The following CCDC8 variants were observed in gnomAD, a reference collection of about 807,000 sequenced individuals.
CCDC8 encodes coiled-coil domain containing 8 subunit of 3M complex, also known as coiled-coil domain-containing protein 8.
A neutral mutation model predicts 5.2 loss-of-function variants in CCDC8; 6 were observed. That is an observed-to-expected ratio of 1.16 (90% CI 0.63 to 2.28). The LOEUF (loss-of-function observed/expected upper bound fraction) is 2.28, where lower values mean the gene tolerates loss of function less well. CCDC8 is among the 30% of genes most tolerant of loss of function. CCDC8 has a pLI of 0.00. For synonymous variants in CCDC8, 310 were observed against 286.5 expected (o/e 1.08, Z -0.83); for missense variants, 724 against 712.2 (o/e 1.02, Z -0.19).
In CCDC8 at chr19:46,411,061, T is replaced by G; in HGVS notation, c.*133A>C. ...AAAAATCAAAGCATGAACAAAACTT[T>G]AACAAGAGAATAAAGAGGGTTGTTA... On this transcript the variant is annotated 3_prime_UTR_variant, in exon 1 of 1. Coordinates refer to ENST00000307522, the MANE Select transcript of CCDC8 (RefSeq NM_032040.5). 8.8e-7 allele frequency: 1 copy of G among 1,137,314 alleles called. No homozygotes were observed. Among genetic ancestry groups the G allele is most frequent in the Non-Finnish European group, 1.3e-6 (1 of 798,060 alleles). The allele number at this position is 1,137,314 out of a possible 1,614,324, so 70.5% of individuals were successfully genotyped here.
chr19:46,411,771 G>A lies in CCDC8; in HGVS notation c.1040C>T (p.Ala347Val). Residue 347 changes from alanine to valine, a missense_variant, in exon 1 of 1, where the codon GCC (alanine) becomes GTC (valine). By Grantham distance (64) the Ala-to-Val change is moderately conservative. Transcript: ENST00000307522. Reference sequence around the variant, plus strand: ...AGCCTCTGCCCCCTCCTCAGCTGGGGCCCCTGCCCTCTGATTATCTGCAGC... The same window carrying A: ...AGCCTCTGCCCCCTCCTCAGCTGGGACCCCTGCCCTCTGATTATCTGCAGC... ...EEAADNQRAG[A>V]PAEEGAEAAD... The A allele has an allele frequency of 6.2e-7, 1 of 1,612,802 alleles. No individual in the cohort carries two copies.
rs757231726 is a variant in CCDC8, at chr19:46,412,265, G to A, written c.546C>T (p.Asp182=). 6.2e-7 allele frequency: 1 copy of A among 1,604,144 alleles called. No homozygotes were observed. The highest frequency in any genetic ancestry group is 1.1e-5 in the South Asian group (1 of 91,086). ...CTTTGGACAGCTGAGGCCCCAGGTT[G>A]TCCTCAAACATGGGCACTGGCAGGT... ...RVNLPVPMFE[D]NLGPQLSKAD... is the part of the protein sequence containing the mutation. The change falls in exon 1 of 1, where the codon GAC becomes GAT. Residue 182 remains aspartate, a synonymous_variant. Transcript: ENST00000307522. This position sits in a 1 kb window ranked among gnomAD's most constrained non-coding sequence, Gnocchi z 4.7.
In CCDC8 at chr19:46,412,934, A is replaced by C; in HGVS notation, c.-124T>G. The C allele has an allele frequency of 7.5e-7, 1 of 1,332,014 alleles. No homozygotes were observed. Among genetic ancestry groups the C allele is most frequent in the Non-Finnish European group, 1.1e-6 (1 of 949,880 alleles). The allele number at this position is 1,332,014 out of a possible 1,614,324, so 82.5% of individuals were successfully genotyped here. A position where few individuals can be genotyped will look rare whatever the true frequency, so the allele number is the denominator to read the frequency against. ...CTTTGCAGACATCGGGGACGCTCCA[A>C]AGAATGAGGCAGTCGGGGGACGGCA... On this transcript the variant is annotated 5_prime_UTR_variant, in exon 1 of 1. Coordinates refer to ENST00000307522, the MANE Select transcript of CCDC8 (RefSeq NM_032040.5). This position sits in a 1 kb window ranked among gnomAD's most constrained non-coding sequence, Gnocchi z 4.7.
Position 46,412,020 on chromosome 19 carries a change from C to T in CCDC8, c.791G>A (p.Arg264Gln). The change falls in exon 1 of 1, where the codon CGA becomes CAA. Residue 264 changes from arginine (R) to glutamine (Q), a missense_variant. Transcript: ENST00000307522. This position sits in a 1 kb window ranked among gnomAD's most constrained non-coding sequence, Gnocchi z 4.7. ...GGCCCAGTTGATCTTGGGCCTCCAT[C>T]GCCTAGGGGAAGCCTGGGGCACACA... ...DVCVPQASPR[R>Q]WRPKINWASF... 3 of 1,603,984 alleles carry T rather than the reference C, an allele frequency of 1.9e-6. No individual in the cohort carries two copies. Among genetic ancestry groups the T allele is most frequent in the South Asian group, 2.2e-5 (2 of 91,078 alleles).
At position 46,412,432 on chromosome 19, in the gene CCDC8, C is replaced by G. The variant is rs1568589872; in HGVS notation, c.379G>C (p.Val127Leu). 1.1e-5 allele frequency: 18 copies of G among 1,612,514 alleles called. No homozygotes were observed. The highest frequency in any genetic ancestry group is 1.5e-5 in the Non-Finnish European group (18 of 1,179,968). Residue 127 changes from valine (V) to leucine (L), a missense_variant, in exon 1 of 1, where the codon GTG becomes CTG. Val to Leu is a conservative substitution (Grantham distance 32, BLOSUM62 1). Coordinates refer to ENST00000307522, the MANE Select transcript of CCDC8 (RefSeq NM_032040.5). This position sits in a 1 kb window ranked among gnomAD's most constrained non-coding sequence, Gnocchi z 4.7. ...AGGTAGCTGACGGGCATTTTGCGCA[C>G]CTTCTTGCCCCGCCGCGGGCCCTGG... ...SRQGPRRGKK[V>L]RKMPVSYLGS... is the part of the protein sequence containing the mutation.
rs140262751 is a variant in CCDC8, at chr19:46,413,103, G to C, written c.-293C>G. ...TTGAGGGAGGGACTGGATGGGGGGA[G>C]TTCCAGCAACGCTGACCGGAGAGTC... is the stretch of plus-strand genomic sequence containing the variant. On this transcript the variant is annotated 5_prime_UTR_variant, in exon 1 of 1. Coordinates refer to ENST00000307522, the MANE Select transcript of CCDC8 (RefSeq NM_032040.5). 245 of 500,492 alleles carry C rather than the reference G, an allele frequency of 4.9e-4. No individual in the cohort carries two copies. The highest frequency in any genetic ancestry group is 4.2e-3 in the African/African-American group (218 of 51,640). The allele number at this position is 500,492 out of a possible 1,614,324, so 31.0% of individuals were successfully genotyped here.
At position 46,411,662 on chromosome 19, in the gene CCDC8, G is replaced by C. The variant is rs1259007630; in HGVS notation, c.1149C>G (p.His383Gln). 66 of 1,562,434 alleles carry C rather than the reference G, an allele frequency of 4.2e-5. No homozygotes were observed. In the East Asian group the frequency reaches 1.6e-3, roughly 37 times the overall value. Residue 383 changes from histidine (H) to glutamine (Q), a missense_variant, in exon 1 of 1, where the codon CAC (histidine) becomes CAG (glutamine). Transcript: ENST00000307522. Reference sequence around the variant, plus strand: ...TCTGATTATCTGCAGCCTCTTCCCTGTGGTTATCTGTGCCCTGTGACCTCT... The same window carrying C: ...TCTGATTATCTGCAGCCTCTTCCCTCTGGTTATCTGTGCCCTGTGACCTCT... ...ADQRSQGTDN[H>Q]REEAADNQRA... is the part of the protein sequence containing the mutation.
In CCDC8 at chr19:46,411,231, G is replaced by A. The variant is rs376613571; in HGVS notation, c.1580C>T (p.Ala527Val). The A allele has an allele frequency of 2.5e-5, 40 of 1,614,006 alleles. No homozygotes were observed. In the East Asian group the frequency reaches 3.3e-4, roughly 13 times the overall value. Residue 527 changes from alanine to valine, a missense_variant, in exon 1 of 1, where the codon GCA becomes GTA. Transcript: ENST00000307522. ...TTCTTGCTCTCCCTGCTCAGCTTCT[G>A]CTCTGGCCTCGGCCCTCAGCACCCT... is the stretch of plus-strand genomic sequence containing the variant. ...NLRVLRAEAR[A>V]EAEQGEQEDQ...
In CCDC8 at chr19:46,411,067, G is replaced by T; in HGVS notation, c.*127C>A. ...CAAAGCATGAACAAAACTTTAACAA[G>T]AGAATAAAGAGGGTTGTTAGGTGGA... On this transcript the variant is annotated 3_prime_UTR_variant, in exon 1 of 1. Transcript: ENST00000307522. The T allele has an allele frequency of 8.7e-7, 1 of 1,148,890 alleles. No individual in the cohort carries two copies. Among genetic ancestry groups the T allele is most frequent in the South Asian group, 1.4e-5 (1 of 70,940 alleles). 71.2% of individuals were successfully genotyped at this position (1,148,890 alleles called of 1,614,324 possible).
Position 46,412,352 on chromosome 19 carries a change from G to A in CCDC8, c.459C>T (p.Val153=), listed in dbSNP as rs762831885. 2.5e-6 allele frequency: 4 copies of A among 1,613,394 alleles called. No individual in the cohort carries two copies. The South Asian group carries it at 3.3e-5, about 13-fold the overall frequency. The change falls in exon 1 of 1, where the codon GTC becomes GTT. Residue 153 remains valine, a synonymous_variant. Transcript: ENST00000307522. The surrounding 1 kb of genome is among the most constrained non-coding windows in gnomAD (Gnocchi z 4.7). ...TCTCCTGTCGCCGGAGGAAGGCCTC[G>A]ACCAGTTCCTCATCATCCTCACTCT... ...DLESEDDEEL[V]EAFLRRQEKQ... is the part of the protein sequence containing the mutation.
At position 46,411,337 on chromosome 19, in the gene CCDC8, G is replaced by A. The variant is rs532222986; in HGVS notation, c.1474C>T (p.Arg492Cys). The change falls in exon 1 of 1, where the codon CGC becomes TGC. Residue 492 changes from arginine (R) to cysteine (C), a missense_variant. Transcript: ENST00000307522. ...TPGRFSWFCK[R>C]RRAFWHTPRL... ...GGAGTGTGCCAGAAGGCTCTCCGGCGCTTGCAAAACCACGAAAAGCGTCCA... is the reference window on the plus strand; with the variant it reads ...GGAGTGTGCCAGAAGGCTCTCCGGCACTTGCAAAACCACGAAAAGCGTCCA... 6.2e-5 allele frequency: 100 copies of A among 1,614,178 alleles called. No homozygotes were observed. The highest frequency in any genetic ancestry group is 3.2e-4 in the South Asian group (29 of 91,080).
rs953755677 is a variant in CCDC8 at position 46,412,172 on chromosome 19, C to T, written c.639G>A (p.Trp213Ter). 6.3e-7 allele frequency: 1 copy of T among 1,598,210 alleles called. No homozygotes were observed. The highest frequency in any genetic ancestry group is 8.5e-7 in the Non-Finnish European group (1 of 1,179,476). Residue 213 changes from tryptophan to a stop codon, truncating the protein, a stop_gained, in exon 1 of 1, where the codon TGG becomes TGA. Coordinates refer to ENST00000307522, the MANE Select transcript of CCDC8 (RefSeq NM_032040.5). LOFTEE classifies it low-confidence loss of function (END_TRUNC). The surrounding 1 kb of genome is among the most constrained non-coding windows in gnomAD (Gnocchi z 4.7). ...CCACCCCGGGGCCCGCCCTCGGCGCCCAACCCTTCACCCTCCGCTTCAGCT... is the reference window on the plus strand; with the variant it reads ...CCACCCCGGGGCCCGCCCTCGGCGCTCAACCCTTCACCCTCCGCTTCAGCT... Reference protein sequence around the residue: ...WGKLKRRVKGWAPRAGPGVGE... With the variant: ...WGKLKRRVKG
rs1354264850 is a variant in CCDC8, at chr19:46,412,170, G to A, written c.641C>T (p.Ala214Val). 3.8e-6 allele frequency: 6 copies of A among 1,598,042 alleles called. No individual in the cohort carries two copies. The African/African-American group carries it at 5.3e-5, about 14-fold the overall frequency. Residue 214 changes from alanine (A) to valine (V), a missense_variant, in exon 1 of 1, where the codon GCG becomes GTG. Transcript: ENST00000307522. The surrounding 1 kb of genome is among the most constrained non-coding windows in gnomAD (Gnocchi z 4.7). ...GKLKRRVKGWAPRAGPGVGEA... is the reference protein window; with the variant it reads ...GKLKRRVKGWVPRAGPGVGEA... The stretch of plus-strand genomic sequence containing the variant: ...GCCCACCCCGGGGCCCGCCCTCGGC[G>A]CCCAACCCTTCACCCTCCGCTTCAG...
chr19:46,411,905 A>G lies in CCDC8; in HGVS notation c.906T>C (p.Ser302=). 23 of 1,613,046 alleles carry G rather than the reference A, an allele frequency of 1.4e-5. No individual in the cohort carries two copies. The highest frequency in any genetic ancestry group is 1.9e-5 in the Non-Finnish European group (23 of 1,179,552). The part of the protein sequence containing the change: ...EADQGGEAAD[S]QREEAIADQR... Reference sequence around the variant, plus strand: ...GGTCAGCTATGGCCTCTTCCCTTTGACTATCTGCAGCCTCTCCCCCCTGAT... The same window carrying G: ...GGTCAGCTATGGCCTCTTCCCTTTGGCTATCTGCAGCCTCTCCCCCCTGAT... Residue 302 remains serine (S), a synonymous_variant, in exon 1 of 1, where the codon AGT becomes AGC. Transcript: ENST00000307522.
Position 46,411,022 on chromosome 19 carries a change from T to TA in CCDC8, c.*171dup, listed in dbSNP as rs755451181. 7.6e-5 allele frequency: 60 copies of TA among 784,332 alleles called. No individual in the cohort carries two copies. The highest frequency in any genetic ancestry group is 1.1e-4 in the Non-Finnish European group (54 of 503,692). The allele number at this position is 784,332 out of a possible 1,614,324, so 48.6% of individuals were successfully genotyped here. A position where few individuals can be genotyped will look rare whatever the true frequency, so the allele number is the denominator to read the frequency against. Reference sequence around the variant, plus strand: ...GGGCAACAGAGTGAGACCCTGTCTCTAAAAAATTTAAAAAAAAATCAAAGC... The same window carrying TA: ...GGGCAACAGAGTGAGACCCTGTCTCTAAAAAAATTTAAAAAAAAATCAAAGC... On this transcript the variant is annotated 3_prime_UTR_variant, in exon 1 of 1. Transcript: ENST00000307522.
Position 46,412,300 on chromosome 19 carries a change from G to A in CCDC8, c.511C>T (p.Arg171Cys). The A allele has an allele frequency of 6.2e-7, 1 of 1,608,902 alleles. No homozygotes were observed. Among genetic ancestry groups the A allele is most frequent in the Non-Finnish European group, 8.5e-7 (1 of 1,179,900 alleles). Reference sequence around the variant, plus strand: ...ATGGGCACTGGCAGGTTGACGCGGCGGCGGGCAGGCGGCGCGCTGGGCTGC... The same window carrying A: ...ATGGGCACTGGCAGGTTGACGCGGCAGCGGGCAGGCGGCGCGCTGGGCTGC... ...EKQPSAPPAR[R>C]RVNLPVPMFE... Residue 171 changes from arginine to cysteine, a missense_variant, in exon 1 of 1, where the codon CGC becomes TGC. Transcript: ENST00000307522. The surrounding 1 kb of genome is among the most constrained non-coding windows in gnomAD (Gnocchi z 4.7).
Position 46,411,135 on chromosome 19 carries a change from G to A in CCDC8, c.*59C>T, listed in dbSNP as rs975204325. The A allele has an allele frequency of 4.4e-6, 7 of 1,602,810 alleles. No individual in the cohort carries two copies. In the African/African-American group the frequency reaches 8.0e-5, roughly 18 times the overall value. On this transcript the variant is annotated 3_prime_UTR_variant, in exon 1 of 1. Coordinates refer to ENST00000307522, the MANE Select transcript of CCDC8 (RefSeq NM_032040.5). ...ACCTCCACTTTGAAGTTCAGAGGCAGAGCATCTCTCCCTCCCACACTTGGA... is the reference window on the plus strand; with the variant it reads ...ACCTCCACTTTGAAGTTCAGAGGCAAAGCATCTCTCCCTCCCACACTTGGA...
In CCDC8 at chr19:46,412,278, G is replaced by C; in HGVS notation, c.533C>G (p.Pro178Arg). ...PARRRVNLPVPMFEDNLGPQL... is the reference protein window; with the variant it reads ...PARRRVNLPVRMFEDNLGPQL... ...AGGCCCCAGGTTGTCCTCAAACATG[G>C]GCACTGGCAGGTTGACGCGGCGGCG... Residue 178 changes from proline to arginine, a missense_variant, in exon 1 of 1, where the codon CCC (proline) becomes CGC (arginine). Coordinates refer to ENST00000307522, the MANE Select transcript of CCDC8 (RefSeq NM_032040.5). This position sits in a 1 kb window ranked among gnomAD's most constrained non-coding sequence, Gnocchi z 4.7. The C allele has an allele frequency of 6.2e-7, 1 of 1,606,228 alleles. No homozygotes were observed. Among genetic ancestry groups the C allele is most frequent in the Non-Finnish European group, 8.5e-7 (1 of 1,179,908 alleles).
chr19:46,411,217 C>G lies in CCDC8; in HGVS notation c.1594G>C (p.Gly532Arg), dbSNP rs1973222820. 1.2e-6 allele frequency: 2 copies of G among 1,614,034 alleles called. No individual in the cohort carries two copies. The highest frequency in any genetic ancestry group is 1.3e-5 in the African/African-American group (1 of 74,926). Reference sequence around the variant, plus strand: ...CCTCACAGCTGGTCTTCTTGCTCTCCCTGCTCAGCTTCTGCTCTGGCCTCG... The same window carrying G: ...CCTCACAGCTGGTCTTCTTGCTCTCGCTGCTCAGCTTCTGCTCTGGCCTCG... ...RAEARAEAEQ[G>R]EQEDQL The change falls in exon 1 of 1, where the codon GGA becomes CGA. Residue 532 changes from glycine to arginine, a missense_variant. By Grantham distance (125) the Gly-to-Arg change is moderately radical (BLOSUM62 -2). Coordinates refer to ENST00000307522, the MANE Select transcript of CCDC8 (RefSeq NM_032040.5).
Sources: allele counts gnomAD v4.1 joint callset, GRCh38; gene constraint gnomAD v4.1.1; non-coding constraint Gnocchi (gnomAD v3.1); transcripts MANE v1.5; gene names NCBI Gene and HGNC (gene_info 2026-07-23, HGNC 2026-07-21).